RPAP2: variants seen among roughly 807,000 people sequenced by gnomAD.
RPAP2 encodes the protein putative RNA polymerase II subunit B1 CTD phosphatase RPAP2.
A neutral mutation model predicts 73.1 loss-of-function variants in RPAP2; 52 were observed. The observed-to-expected ratio is 0.71, with a 90% confidence interval of 0.57 to 0.90. The LOEUF (loss-of-function observed/expected upper bound fraction) is 0.90. RPAP2 is among the 40% of genes least tolerant of loss of function. The pLI is 0.00. For missense variants in RPAP2, 598 were observed against 701.8 expected (o/e 0.85, Z 1.67); for synonymous variants, 225 against 242.1 (o/e 0.93, Z 0.65).
chr1:92,348,337 T>C (rs1425381502), intron 11 of RPAP2, among the ~76,000 whole-genome samples: 2 of 152,248 alleles, frequency 1.3e-5, no homozygotes, highest in Admixed American at 6.5e-5. Context: ...ACAACTAAAA[T>C]CTTCCCCAGT....
intron 11 of RPAP2, among the ~76,000 whole-genome samples, chr1:92,373,482 C>T (rs72720457): frequency 0.26 from 39,537 of 151,892 alleles, 6,525 homozygotes; most frequent in Non-Finnish European, 0.35. Flanking sequence ...TAGATCAGCC[C>T]GTGAATATCC....
intron 11 of RPAP2, among the ~76,000 whole-genome samples, chr1:92,373,850 C>T (rs564119808): frequency 9.5e-5 from 14 of 146,770 alleles, no homozygotes; most frequent in Admixed American, 2.1e-4. Context: ...ACCCAGGAGG[C>T]GGAGGTTGCA....
In RPAP2 at chr1:92,395,428, G is replaced by C. The variant is rs1656159357; in HGVS notation, c.*8417G>C. The C allele has an allele frequency of 6.6e-6, 1 of 152,036 alleles. No individual in the cohort carries two copies. The highest frequency in any genetic ancestry group is 2.4e-5 in the African/African-American group (1 of 41,398). The allele number at this position is 152,036 out of a possible 1,614,324, so 9.4% of individuals were successfully genotyped here. ...AGGAGGGTGGACCACTTGAGCTCAG[G>C]AATTTGAGACCAGACTGGACAACAG... On this transcript the variant is annotated 3_prime_UTR_variant, in exon 13 of 13. Coordinates refer to ENST00000610020, the MANE Select transcript of RPAP2 (RefSeq NM_024813.3).
chr1:92,400,437 A>C lies in RPAP2; in HGVS notation c.*13426A>C, dbSNP rs533984219. ...TGGCCTCAAGCGATCCTCCCACCTC[A>C]ACCTCCAGAGTATCTGGGACTATAG... On this transcript the variant is annotated 3_prime_UTR_variant, in exon 13 of 13. Transcript: ENST00000610020. 2.6e-5 allele frequency: 4 copies of C among 152,418 alleles called. No individual in the cohort carries two copies. Among genetic ancestry groups the C allele is most frequent in the African/African-American group, 9.6e-5 (4 of 41,540 alleles). 9.4% of individuals were successfully genotyped at this position (152,418 alleles called of 1,614,324 possible).
chr1:92,353,586 GGTA>G (rs773281959), intron 11 of RPAP2, among the ~76,000 whole-genome samples: 1 of 151,900 alleles, frequency 6.6e-6, no homozygotes, highest in Non-Finnish European at 1.5e-5. Flanking sequence ...AGTAGCTACT[GGTA>G]TTCTTTTGGA....
chr1:92,366,559 T>G (rs1228748235), intron 11 of RPAP2, among the ~76,000 whole-genome samples: 1 of 152,182 alleles, frequency 6.6e-6, no homozygotes, highest in Non-Finnish European at 1.5e-5. Flanking sequence ...AGGGGCCACA[T>G]GTGAGACAGA....
chr1:92,371,434 T>G (rs1655150527), intron 11 of RPAP2, among the ~76,000 whole-genome samples: 1 of 151,678 alleles, frequency 6.6e-6, no homozygotes, highest in South Asian at 2.1e-4. Flanking sequence ...ATAAGATAGA[T>G]CCACAGGAAA....
rs1212424302 is a variant in RPAP2 at position 92,389,738 on chromosome 1, C to T, written c.*2727C>T. 6.6e-6 allele frequency: 1 copy of T among 152,050 alleles called. No homozygotes were observed. The highest frequency in any genetic ancestry group is 1.5e-5 in the Non-Finnish European group (1 of 68,032). The allele number at this position is 152,050 out of a possible 1,614,324, so 9.4% of individuals were successfully genotyped here. A position where few individuals can be genotyped will look rare whatever the true frequency, so the allele number is the denominator to read the frequency against. On this transcript the variant is annotated 3_prime_UTR_variant, in exon 13 of 13. Coordinates refer to ENST00000610020, the MANE Select transcript of RPAP2 (RefSeq NM_024813.3). ...GCTGAAAACCACAGTACGGGAACTT[C>T]GTGAAGCATACACAAGCTTCAATAG...
At chr1:92,336,512 A>T in intron 10 of RPAP2, 85 bp downstream of exon 10, 1 of 876,442 alleles carries the variant, frequency 1.1e-6, no homozygotes, top group Non-Finnish European at 1.9e-6. Flanking sequence ...AGAGAAAGTA[A>T]GTGACTTACC....
chr1:92,328,692 G>C (rs1032413574), intron 8 of RPAP2, among the ~76,000 whole-genome samples: 1 of 152,168 alleles, frequency 6.6e-6, no homozygotes, highest in East Asian at 1.9e-4. Context: ...TGGTGAGCTA[G>C]TATGATGTTT....
At chr1:92,352,211 G>A (rs75306283) in intron 11 of RPAP2, among the ~76,000 whole-genome samples, 2,119 of 152,292 alleles carry the variant, frequency 0.014, 48 homozygotes, top group African/African-American at 0.047. Flanking sequence ...CCATACAATA[G>A]TTTATTCTCT....
At position 92,400,121 on chromosome 1, in the gene RPAP2, A is replaced by G. The variant is rs1386682872; in HGVS notation, c.*13110A>G. On this transcript the variant is annotated 3_prime_UTR_variant, in exon 13 of 13. Transcript: ENST00000610020. ...ATCTAACTAAGCAACAAAAAGCCCA[A>G]TGAGCTCTGGAGAGAGAGAGGGAGC... 1 of 152,186 alleles carries G rather than the reference A, an allele frequency of 6.6e-6. No homozygotes were observed. Among genetic ancestry groups the G allele is most frequent in the Non-Finnish European group, 1.5e-5 (1 of 68,046 alleles). 9.4% of individuals were successfully genotyped at this position (152,186 alleles called of 1,614,324 possible).
intron 7 of RPAP2, among the ~76,000 whole-genome samples, chr1:92,322,254 CA>C (rs953302162): frequency 6.7e-6 from 1 of 148,574 alleles, no homozygotes; most frequent in Admixed American, 6.7e-5. Context: ...CCAAAGTTTT[CA>C]AAAGAAAAAC....
chr1:92,388,456 A>G lies in RPAP2; in HGVS notation c.*1445A>G, dbSNP rs1017221500. 3.3e-5 allele frequency: 5 copies of G among 152,364 alleles called. No individual in the cohort carries two copies. The highest frequency in any genetic ancestry group is 3.3e-4 in the Admixed American group (5 of 15,286). The allele number at this position is 152,364 out of a possible 1,614,324, so 9.4% of individuals were successfully genotyped here. A position where few individuals can be genotyped will look rare whatever the true frequency, so the allele number is the denominator to read the frequency against. On this transcript the variant is annotated 3_prime_UTR_variant, in exon 13 of 13. Coordinates refer to ENST00000610020, the MANE Select transcript of RPAP2 (RefSeq NM_024813.3). ...CTACAGCTCCCAGCAGGATGGACAC[A>G]GAAGATGGGTGATTTCTGCATTTTC...
chr1:92,352,626 AC>A (rs780590466), intron 11 of RPAP2, among the ~76,000 whole-genome samples: 47 of 152,360 alleles, frequency 3.1e-4, no homozygotes, highest in South Asian at 2.9e-3. Context: ...CATTGAAATT[AC>A]TTTTTTATAT....
intron 8 of RPAP2, among the ~76,000 whole-genome samples, chr1:92,329,977 C>T (rs1280559473): frequency 6.6e-6 from 1 of 152,158 alleles, no homozygotes; most frequent in African/African-American, 2.4e-5. Context: ...AGGAATGATA[C>T]ACTAATCATA....
rs1656239456 is a variant in RPAP2 at position 92,398,439 on chromosome 1, C to T, written c.*11428C>T. 1 of 152,188 alleles carries T rather than the reference C, an allele frequency of 6.6e-6. No homozygotes were observed. The highest frequency in any genetic ancestry group is 1.5e-5 in the Non-Finnish European group (1 of 68,038). The allele number at this position is 152,188 out of a possible 1,614,324, so 9.4% of individuals were successfully genotyped here. The stretch of plus-strand genomic sequence containing the variant: ...GTCCAAAAACCAGTTGATCTTCCTA[C>T]TCATTAGGGGACAAGATCAATTCTC... On this transcript the variant is annotated 3_prime_UTR_variant, in exon 13 of 13. Coordinates refer to ENST00000610020, the MANE Select transcript of RPAP2 (RefSeq NM_024813.3).
intron 3 of RPAP2, among the ~76,000 whole-genome samples, chr1:92,301,876 A>G (rs556408084): frequency 5.3e-5 from 8 of 152,246 alleles, no homozygotes; most frequent in Non-Finnish European, 4.4e-5. Context: ...ACCACAAAGA[A>G]ATGATAAATA....
chr1:92,314,394 A>T, intron 6 of RPAP2, among the ~76,000 whole-genome samples: 1 of 150,396 alleles, frequency 6.6e-6, no homozygotes, highest in African/African-American at 2.5e-5. Flanking sequence ...ATTTATTCTA[A>T]GTTGCATACA....
Sources: gnomAD v4.1 joint callset for allele counts (sites outside exome capture counted in the v4.1 genomes callset) on GRCh38, gnomAD v4.1.1 for gene constraint, MANE v1.5 for transcripts, NCBI Gene and HGNC (gene_info 2026-07-23, HGNC 2026-07-21) for gene names.